Variants in RIGI observed in about 807,000 individuals in gnomAD.
The protein encoded by RIGI is antiviral innate immune response receptor RIG-I.
chr9:32,459,261 G>A, the RIGI span: 1 of 1,249,102 alleles, frequency 8.0e-7, no homozygotes, highest in African/African-American at 1.5e-5. Context: ...CACAGATCAT[G>A]GCCACAGTAA....
chr9:32,498,179 A>G, the RIGI span: 1 of 428,180 alleles, frequency 2.3e-6, no homozygotes, highest in Non-Finnish European at 4.7e-6. Flanking sequence ...CCAGTCTATG[A>G]AGGATGTGCA....
the RIGI span, chr9:32,492,284 AT>A: frequency 8.2e-7 from 1 of 1,226,542 alleles, no homozygotes; most frequent in South Asian, 1.5e-5. Context: ...CGCGTTAGAG[AT>A]GTAGCTCTGG....
the RIGI span, among the ~76,000 whole-genome samples, chr9:32,459,218 AT>A: frequency 2.7e-5 from 4 of 150,936 alleles, no homozygotes; most frequent in African/African-American, 7.3e-5. Context: ...AACATTTAGT[AT>A]TTTTTTTTCA....
At chr9:32,467,808 G>A in the RIGI span, 5 of 1,608,612 alleles carry the variant, frequency 3.1e-6, no homozygotes, top group Admixed American at 8.4e-5. Context: ...ACTCATAAAG[G>A]ATGACAAGAT....
At chr9:32,489,264 C>A in the RIGI span, 2 of 931,686 alleles carry the variant, frequency 2.1e-6, no homozygotes, top group Non-Finnish European at 3.2e-6. Context: ...CTGAAACTTG[C>A]CCATTCTGTC....
chr9:32,496,650 A>C, the RIGI span, among the ~76,000 whole-genome samples: 29 of 152,184 alleles, frequency 1.9e-4, 1 homozygote, highest in Non-Finnish European at 4.4e-5. Flanking sequence ...CAATTCCAAA[A>C]ATATATATAC....
the RIGI span, among the ~76,000 whole-genome samples, chr9:32,509,549 A>G: frequency 6.6e-6 from 1 of 152,206 alleles, no homozygotes; most frequent in Non-Finnish European, 1.5e-5. Context: ...TATCATCAAT[A>G]TCAACGAAAA....
At chr9:32,463,565 T>A in the RIGI span, among the ~76,000 whole-genome samples, 1 of 152,190 alleles carries the variant, frequency 6.6e-6, no homozygotes, top group Admixed American at 6.5e-5. Flanking sequence ...ATTTTAAGTG[T>A]TACTCTAGGC....
the RIGI span, chr9:32,473,136 C>A: frequency 8.7e-7 from 1 of 1,145,646 alleles, no homozygotes. Flanking sequence ...TATTGAAATA[C>A]ATGCAAAAAG....
At chr9:32,494,005 G>A in the RIGI span, 2 of 1,251,086 alleles carry the variant, frequency 1.6e-6, no homozygotes, top group African/African-American at 3.1e-5. Flanking sequence ...TTTGAGATTA[G>A]TATCATAGAA....
the RIGI span, chr9:32,491,398 TTC>T: frequency 1.2e-6 from 2 of 1,610,844 alleles, no homozygotes; most frequent in Middle Eastern, 1.7e-4. Flanking sequence ...CCTCAAGATC[TTC>T]TGTTTCAACA....
At chr9:32,501,787 A>C in the RIGI span, among the ~76,000 whole-genome samples, 1 of 152,222 alleles carries the variant, frequency 6.6e-6, no homozygotes, top group Non-Finnish European at 1.5e-5. Flanking sequence ...CCTAGCACGT[A>C]ATAGACAATA....
At chr9:32,521,139 C>CAAAAAAAAAAAAAAAAAAAA in the RIGI span, among the ~76,000 whole-genome samples, 50 of 32,772 alleles carry the variant, frequency 1.5e-3, 7 homozygotes, top group East Asian at 2.7e-3. Context: ...GACACCATCT[C>CAAAAAAAAAAAAAAAAAAAA]AAAAAAAAAA....
the RIGI span, chr9:32,492,430 C>T: frequency 6.2e-7 from 1 of 1,614,174 alleles, no homozygotes; most frequent in Non-Finnish European, 8.5e-7. Flanking sequence ...TTGTTCCTTT[C>T]TTTCTCCAAA....
the RIGI span, chr9:32,498,377 A>AAT: frequency 2.2e-6 from 1 of 456,572 alleles, no homozygotes; most frequent in South Asian, 1.5e-5. Context: ...TGGTCACCCT[A>AAT]TTCAGCATAA....
At chr9:32,525,836 C>T in the RIGI span, among the ~76,000 whole-genome samples, 1 of 152,148 alleles carries the variant, frequency 6.6e-6, no homozygotes, top group Admixed American at 6.5e-5. Context: ...TAGATGAGCA[C>T]CCTTAAGCAA....
At chr9:32,491,780 C>G in the RIGI span, among the ~76,000 whole-genome samples, 2 of 149,566 alleles carry the variant, frequency 1.3e-5, no homozygotes, top group Non-Finnish European at 3.0e-5. Context: ...CTGACTGACT[C>G]TTGACCCATT....
the RIGI span, chr9:32,480,072 T>C: frequency 1.4e-6 from 1 of 739,442 alleles, no homozygotes; most frequent in Non-Finnish European, 2.1e-6. Context: ...TGAAGCTAAA[T>C]AGTCCTACCA....
At chr9:32,483,165 G>A in the RIGI span, among the ~76,000 whole-genome samples, 6 of 152,120 alleles carry the variant, frequency 3.9e-5, no homozygotes, top group Admixed American at 3.3e-4. Context: ...CAGTTCGCCA[G>A]GGCTCCTCAT....
Sources: allele counts gnomAD v4.1 joint callset (sites outside exome capture counted in the v4.1 genomes callset), GRCh38; gene constraint gnomAD v4.1.1; transcripts MANE v1.5; gene names NCBI Gene and HGNC (gene_info 2026-07-23, HGNC 2026-07-21).